The following NYAP2 variants were observed in gnomAD, a reference collection of about 807,000 sequenced individuals.
NYAP2 encodes the protein neuronal tyrosine-phosphorylated phosphoinositide-3-kinase adapter 2.
Under a neutral mutation model 50.4 loss-of-function variants are expected in NYAP2, and 23 were observed. The ratio of observed to expected loss-of-function variants is 0.46; its 90% CI spans 0.33 to 0.65. The LOEUF (loss-of-function observed/expected upper bound fraction) is 0.65, where lower values mean the gene tolerates loss of function less well. NYAP2 is among the 30% of genes least tolerant of loss of function. NYAP2 has a pLI of 0.02. For missense variants in NYAP2, 885 were observed against 861.0 expected, an observed-to-expected ratio of 1.03 and a Z score of -0.35; for synonymous variants, 394 against 365.2, an observed-to-expected ratio of 1.08 and a Z score of -0.90.
chr2:225,539,719 T>C (rs1691423705), intron 4 of NYAP2, among the ~76,000 whole-genome samples: 1 of 152,180 alleles, frequency 6.6e-6, no homozygotes, highest in Non-Finnish European at 1.5e-5. Flanking sequence ...GATAAATTTG[T>C]GAAGTTCTTT....
chr2:225,430,837 A>G (rs1695356311), intron 3 of NYAP2, among the ~76,000 whole-genome samples: 1 of 152,250 alleles, frequency 6.6e-6, no homozygotes, highest in Non-Finnish European at 1.5e-5. Context: ...GCATAAGTTA[A>G]TTGGCTAGAT....
chr2:225,467,859 A>G (rs1261179825), intron 3 of NYAP2, among the ~76,000 whole-genome samples: 1 of 152,218 alleles, frequency 6.6e-6, no homozygotes, highest in Non-Finnish European at 1.5e-5. Context: ...CATTCAACAA[A>G]TACTTAGTGA....
At chr2:225,479,718 C>T (rs1690175036) in intron 3 of NYAP2, among the ~76,000 whole-genome samples, 1 of 151,718 alleles carries the variant, frequency 6.6e-6, no homozygotes, top group African/African-American at 2.4e-5. Flanking sequence ...ATATTTTGTG[C>T]TATGATTAGC....
chr2:225,441,319 A>G (rs1038736287), intron 3 of NYAP2, among the ~76,000 whole-genome samples: 1 of 152,212 alleles, frequency 6.6e-6, no homozygotes, highest in African/African-American at 2.4e-5. Context: ...ACCAAATCTA[A>G]TAATTAACAA....
Position 225,521,587 on chromosome 2 carries a change from C to T in NYAP2, c.523+7915C>T, listed in dbSNP as rs1049708520. 1.2e-4 allele frequency among the ~76,000 whole-genome samples: 19 copies of T among 152,008 alleles called. No individual in the cohort carries two copies. In the South Asian group the frequency reaches 2.5e-3, roughly 20 times the overall value. On this transcript the variant is annotated intron_variant, in intron 4 of 6. Coordinates refer to ENST00000636099, the Ensembl canonical transcript of NYAP2. ...ATGCTGGATTACACTTATTGATTTG[C>T]GTATATTGAACCAGCCTTGCATCCC... is the stretch of plus-strand genomic sequence containing the variant.
chr2:225,436,944 A>C lies in NYAP2; in HGVS notation c.221+27843A>C, dbSNP rs886323091. ...TGGGAGCTGGTGGTGGGGCTGAGGG[A>C]CTTGATACCCACCAGGGCAAGGCTT... On this transcript the variant is annotated intron_variant, in intron 3 of 6. Coordinates refer to ENST00000636099, the Ensembl canonical transcript of NYAP2. 1.0e-3 allele frequency among the ~76,000 whole-genome samples: 156 copies of C among 152,058 alleles called. 1 individual carries two copies. Among genetic ancestry groups the C allele is most frequent in the African/African-American group, 3.6e-3 (149 of 41,440 alleles).
At chr2:225,645,902 C>CGG (rs1693629039) in intron 6 of NYAP2, among the ~76,000 whole-genome samples, 1 of 151,838 alleles carries the variant, frequency 6.6e-6, no homozygotes, top group African/African-American at 2.4e-5. Context: ...ATGCACAGAT[C>CGG]CTAAAGGATC....
chr2:225,418,314 A>G (rs1369865036), intron 3 of NYAP2, among the ~76,000 whole-genome samples: 1 of 152,134 alleles, frequency 6.6e-6, no homozygotes, highest in Non-Finnish European at 1.5e-5. Flanking sequence ...ATGGAGTCCA[A>G]TCTTGTGAGG....
chr2:225,564,474 C>T (rs139177103), intron 4 of NYAP2, among the ~76,000 whole-genome samples: 4 of 151,810 alleles, frequency 2.6e-5, no homozygotes, highest in South Asian at 2.1e-4. Flanking sequence ...CTGTCCTAGA[C>T]GAAACCATTT....
chr2:225,492,122 C>G (rs1690418728), intron 3 of NYAP2, among the ~76,000 whole-genome samples: 1 of 152,146 alleles, frequency 6.6e-6, no homozygotes, highest in Non-Finnish European at 1.5e-5. Context: ...TGCTCCATAG[C>G]CCATGTGGCC....
chr2:225,534,296 C>T (rs1474196086), intron 4 of NYAP2, among the ~76,000 whole-genome samples: 2 of 152,302 alleles, frequency 1.3e-5, no homozygotes, highest in South Asian at 4.1e-4. Context: ...TAGCCATTGG[C>T]AACAAGTTAA....
intron 3 of NYAP2, among the ~76,000 whole-genome samples, chr2:225,480,698 A>G (rs1330463490): frequency 1.3e-5 from 2 of 152,188 alleles, no homozygotes; most frequent in Non-Finnish European, 2.9e-5. Flanking sequence ...TCCATTGAAG[A>G]TATTTAAGCA....
intron 3 of NYAP2, among the ~76,000 whole-genome samples, chr2:225,412,176 C>A (rs544222659): frequency 7.0e-6 from 1 of 142,512 alleles, no homozygotes; most frequent in Non-Finnish European, 1.5e-5. Context: ...CCAAGATGGT[C>A]TCTATCTCTT....
At chr2:225,648,911 G>A (rs567211331) in intron 6 of NYAP2, among the ~76,000 whole-genome samples, 3 of 152,284 alleles carry the variant, frequency 2.0e-5, no homozygotes, top group South Asian at 2.1e-4. Flanking sequence ...AAGGTGCAGA[G>A]GGAAAAGGCC....
chr2:225,446,369 G>C (rs1689565471), intron 3 of NYAP2, among the ~76,000 whole-genome samples: 1 of 150,274 alleles, frequency 6.7e-6, no homozygotes, highest in African/African-American at 2.4e-5. Context: ...GCTGAATCTG[G>C]AGTACTAAAA....
intron 3 of NYAP2, among the ~76,000 whole-genome samples, chr2:225,410,918 G>A (rs1049525213): frequency 1.3e-5 from 2 of 152,122 alleles, no homozygotes; most frequent in Non-Finnish European, 1.5e-5. Context: ...TGAGGTCTAA[G>A]TAATCCATTT....
intron 4 of NYAP2, among the ~76,000 whole-genome samples, chr2:225,566,711 C>A (rs1691968752): frequency 6.6e-6 from 1 of 152,168 alleles, no homozygotes; most frequent in South Asian, 2.1e-4. Context: ...AGAAAACTTG[C>A]TGATGGCTTC....
intron 3 of NYAP2, among the ~76,000 whole-genome samples, chr2:225,414,251 G>T (rs967498340): frequency 2.2e-4 from 34 of 152,036 alleles, no homozygotes; most frequent in African/African-American, 8.2e-4. Flanking sequence ...TAAATAAAAA[G>T]CGATGCTCTT....
intron 3 of NYAP2, among the ~76,000 whole-genome samples, chr2:225,510,775 G>A (rs1378336492): frequency 7.2e-6 from 1 of 138,072 alleles, no homozygotes; most frequent in African/African-American, 2.7e-5. Flanking sequence ...AAATGTTAAT[G>A]TGTTTGTGTG....
Sources: gnomAD v4.1 joint callset for allele counts (sites outside exome capture counted in the v4.1 genomes callset) on GRCh38, gnomAD v4.1.1 for gene constraint, MANE v1.5 for transcripts, NCBI Gene and HGNC (gene_info 2026-07-23, HGNC 2026-07-21) for gene names.